TSNARE1: variants seen among roughly 807,000 people sequenced by gnomAD.
The protein encoded by TSNARE1 is t-SNARE domain containing 1.
A neutral mutation model predicts 62.0 loss-of-function variants in TSNARE1; 49 were observed. The ratio of observed to expected loss-of-function variants is 0.79; its 90% CI spans 0.63 to 1.00. The LOEUF is 1.00. Among genes scored for constraint, TSNARE1 ranks in the 50% least tolerant of loss-of-function variants. The pLI is 0.00. For missense variants in TSNARE1, 755 were observed against 700.1 expected, an observed-to-expected ratio of 1.08 and a Z score of -0.88; for synonymous variants, 328 against 294.4, an observed-to-expected ratio of 1.11 and a Z score of -1.17.
intron 7 of TSNARE1, among the ~76,000 whole-genome samples, 156 bp downstream of exon 7, chr8:142,318,388 C>A (rs1354078824): frequency 3.3e-5 from 5 of 152,180 alleles, no homozygotes; most frequent in African/African-American, 4.8e-5. Context: ...AGGTTCTGAG[C>A]CATGGAGCCA....
intron 12 of TSNARE1, among the ~76,000 whole-genome samples, chr8:142,259,813 A>G (rs963457399): frequency 7.2e-5 from 11 of 152,102 alleles, no homozygotes; most frequent in Non-Finnish European, 1.6e-4. Flanking sequence ...CTAAGAATGC[A>G]ACTAAGGGGT....
At chr8:142,340,092 C>T (rs2130034746) in intron 4 of TSNARE1, among the ~76,000 whole-genome samples, 1 of 152,290 alleles carries the variant, frequency 6.6e-6, no homozygotes, top group South Asian at 2.1e-4. Flanking sequence ...GCCTCATGCT[C>T]CAGGAAGGCG....
intron 11 of TSNARE1, chr8:142,278,249 C>A (rs1206210701): frequency 1.0e-6 from 1 of 985,332 alleles, no homozygotes; most frequent in Non-Finnish European, 1.2e-6. Flanking sequence ...ACCAGTCCGG[C>A]CCACTCTGCC....
chr8:142,389,159 G>C (rs1342274520), intron 1 of TSNARE1, among the ~76,000 whole-genome samples: 5 of 152,158 alleles, frequency 3.3e-5, no homozygotes, highest in African/African-American at 1.2e-4. Context: ...GAAAAGGACA[G>C]TCTCTCAATA....
At chr8:142,377,556 G>T (rs6998259) in intron 1 of TSNARE1, among the ~76,000 whole-genome samples, 41,876 of 152,152 alleles carry the variant, frequency 0.28, 7,440 homozygotes, top group African/African-American at 0.5. Flanking sequence ...GAGCGCCCCA[G>T]CAGCATGACA....
intron 12 of TSNARE1, among the ~76,000 whole-genome samples, chr8:142,238,510 G>A (rs1817542477): frequency 6.7e-6 from 1 of 148,514 alleles, no homozygotes; most frequent in South Asian, 2.2e-4. Context: ...GGAATCTGAG[G>A]AGATGGAGCC....
At chr8:142,339,878 C>G (rs1010639853) in intron 4 of TSNARE1, among the ~76,000 whole-genome samples, 28 of 152,272 alleles carry the variant, frequency 1.8e-4, no homozygotes, top group African/African-American at 6.0e-4. Flanking sequence ...CTCCTCTGGA[C>G]AGCTGCGCCG....
intron 1 of TSNARE1, among the ~76,000 whole-genome samples, chr8:142,365,619 CACACACACACACACAGAGAG>C (rs1835487016): frequency 6.7e-6 from 1 of 149,060 alleles, no homozygotes; most frequent in African/African-American, 2.5e-5. Flanking sequence ...CACACACACA[CACACACACACACACAGAGAG>C]AGAGAGGGGA....
intron 9 of TSNARE1, among the ~76,000 whole-genome samples, chr8:142,305,587 C>T (rs1826536625): frequency 6.6e-6 from 1 of 152,160 alleles, no homozygotes; most frequent in Non-Finnish European, 1.5e-5. Flanking sequence ...CAGTGCAGGA[C>T]AAAAGCCAGG....
chr8:142,254,757 G>A (rs186940949), intron 12 of TSNARE1, among the ~76,000 whole-genome samples: 1 of 152,336 alleles, frequency 6.6e-6, no homozygotes, highest in Non-Finnish European at 1.5e-5. Flanking sequence ...CCCAGTTTCA[G>A]TCTCACATCC....
intron 13 of TSNARE1, among the ~76,000 whole-genome samples, chr8:142,214,979 C>T (rs975206787): frequency 5.3e-5 from 8 of 152,178 alleles, no homozygotes; most frequent in African/African-American, 1.7e-4. Flanking sequence ...GACAAGGGCT[C>T]CCTCCCCCAG....
intron 9 of TSNARE1, among the ~76,000 whole-genome samples, chr8:142,303,407 C>A (rs534395889): frequency 7.2e-5 from 11 of 152,218 alleles, no homozygotes; most frequent in African/African-American, 2.7e-4. Flanking sequence ...AGGTGCCCCG[C>A]CTCCTGAGGC....
intron 12 of TSNARE1, chr8:142,271,337 T>G (rs1586916952): frequency 2.6e-6 from 3 of 1,154,088 alleles, no homozygotes; most frequent in Non-Finnish European, 2.1e-6. Context: ...CAGCAGCAGG[T>G]TTTGCTGGGC....
At chr8:142,227,369 C>T (rs1219789364) in intron 13 of TSNARE1, among the ~76,000 whole-genome samples, 6 of 109,330 alleles carry the variant, frequency 5.5e-5, no homozygotes, top group African/African-American at 2.9e-4. Flanking sequence ...CCAGTGACAG[C>T]CAGGACCCCC....
intron 10 of TSNARE1, among the ~76,000 whole-genome samples, chr8:142,296,965 A>C (rs1824859959): frequency 6.6e-6 from 1 of 152,122 alleles, no homozygotes; most frequent in Admixed American, 6.5e-5. Flanking sequence ...GGGTCCTCTG[A>C]CAGGCTGTCA....
At chr8:142,285,529 T>A (rs945251144) in intron 10 of TSNARE1, among the ~76,000 whole-genome samples, 2 of 146,098 alleles carry the variant, frequency 1.4e-5, no homozygotes, top group African/African-American at 5.2e-5. Context: ...GATGGATGGA[T>A]GAGGGATAGA....
intron 1 of TSNARE1, among the ~76,000 whole-genome samples, chr8:142,367,241 G>T (rs959844982): frequency 5.3e-5 from 8 of 152,214 alleles, no homozygotes; most frequent in Admixed American, 3.3e-4. Context: ...CAAGTTGGCA[G>T]ACAGTTCATA....
Position 142,229,673 on chromosome 8 carries a change from G to T in TSNARE1, c.1447-94C>A. 4.4e-6 allele frequency: 5 copies of T among 1,145,338 alleles called. 1 individual carries two copies. In the Admixed American group the frequency reaches 7.6e-5, roughly 17 times the overall value. 70.9% of individuals were successfully genotyped at this position (1,145,338 alleles called of 1,614,324 possible). ...TTGTGCATACTTTGGGCTGTGGCATGCAGGGGCTGAGTCCACCCTGGGGCA... is the reference window on the plus strand; with the variant it reads ...TTGTGCATACTTTGGGCTGTGGCATTCAGGGGCTGAGTCCACCCTGGGGCA... On this transcript the variant is annotated intron_variant, in intron 12 of 13. Coordinates refer to ENST00000524325, the MANE Select transcript of TSNARE1 (RefSeq NM_145003.5).
intron 1 of TSNARE1, among the ~76,000 whole-genome samples, chr8:142,393,283 G>A (rs916436578): frequency 2.0e-5 from 3 of 152,168 alleles, no homozygotes; most frequent in Non-Finnish European, 4.4e-5. Flanking sequence ...TTCAACTGAC[G>A]ACATTACGGA....
Sources: gnomAD v4.1 joint callset for allele counts (sites outside exome capture counted in the v4.1 genomes callset) on GRCh38, gnomAD v4.1.1 for gene constraint, MANE v1.5 for transcripts, NCBI Gene and HGNC (gene_info 2026-07-23, HGNC 2026-07-21) for gene names.